BAG3: variants seen among roughly 807,000 people sequenced by gnomAD.
BAG3 encodes BAG family molecular chaperone regulator 3.
Under a neutral mutation model 40.5 loss-of-function variants are expected in BAG3, and 14 were observed. The ratio of observed to expected loss-of-function variants is 0.35; its 90% CI spans 0.23 to 0.54. BAG3 has a LOEUF of 0.54. Ranked by LOEUF, BAG3 falls within the 20% of genes least tolerant of loss-of-function variation. The probability of loss-of-function intolerance (pLI) is 0.91; values close to 1 mark genes in which losing one functional copy is unlikely to be tolerated. For synonymous variants in BAG3, 302 were observed against 307.8 expected (o/e 0.98, Z 0.20); for missense variants, 788 against 758.6 (o/e 1.04, Z -0.46).
chr10:119,676,556 T>G lies in BAG3; in HGVS notation c.1002T>G (p.Pro334=), dbSNP rs3858339. ...GCCCAGTTGGACCAGAACTCCCTCC[T>G]GGACACATCCCAATTCAAGTGATCC... The part of the protein sequence containing the change: ...KPGPVGPELP[P]GHIPIQVIRK... The change falls in exon 4 of 4, where the codon CCT becomes CCG. Residue 334 remains proline (P), a synonymous_variant. Transcript: ENST00000369085. 0.1 allele frequency: 162,782 copies of G among 1,613,926 alleles called. 9,421 individuals carry two copies. The highest frequency in any genetic ancestry group is 0.26 in the East Asian group (11,814 of 44,866).
Position 119,651,628 on chromosome 10 carries a change from G to A in BAG3, c.-48G>A. ...GGCCCGGCCAGAGACTCGGCGCCCGGAGCCAGCGCCCCGCACCCGCGCCCC... is the reference window on the plus strand; with the variant it reads ...GGCCCGGCCAGAGACTCGGCGCCCGAAGCCAGCGCCCCGCACCCGCGCCCC... On this transcript the variant is annotated 5_prime_UTR_variant, in exon 1 of 4. Transcript: ENST00000369085. 6.8e-7 allele frequency: 1 copy of A among 1,469,766 alleles called. No homozygotes were observed. 91.0% of individuals were successfully genotyped at this position (1,469,766 alleles called of 1,614,324 possible). A position where few individuals can be genotyped will look rare whatever the true frequency, so the allele number is the denominator to read the frequency against.
intron 1 of BAG3, among the ~76,000 whole-genome samples, chr10:119,666,452 T>C (rs963702266): frequency 5.9e-5 from 9 of 152,396 alleles, no homozygotes; most frequent in Admixed American, 2.6e-4. Context: ...AAGCAGTCTC[T>C]GCTGTCACAG....
chr10:119,661,184 C>T (rs377739131), intron 1 of BAG3, among the ~76,000 whole-genome samples: 1 of 152,108 alleles, frequency 6.6e-6, no homozygotes, highest in African/African-American at 2.4e-5. Flanking sequence ...TGCTTGAACT[C>T]GGGAGGCGGA....
At chr10:119,654,819 C>T (rs938280483) in intron 1 of BAG3, among the ~76,000 whole-genome samples, 12 of 152,316 alleles carry the variant, frequency 7.9e-5, no homozygotes, top group African/African-American at 2.2e-4. Flanking sequence ...GTGCTGTTCC[C>T]GCCAGGCCTC....
intron 1 of BAG3, among the ~76,000 whole-genome samples, chr10:119,659,116 C>G (rs1204252106): frequency 6.6e-6 from 1 of 152,130 alleles, no homozygotes; most frequent in Non-Finnish European, 1.5e-5. Flanking sequence ...CTTCCCGTGC[C>G]CCTTGTGAGT....
At chr10:119,662,221 TTTTTG>T (rs1449672432) in intron 1 of BAG3, among the ~76,000 whole-genome samples, 1 of 117,536 alleles carries the variant, frequency 8.5e-6, no homozygotes, top group African/African-American at 3.2e-5. Flanking sequence ...CTATGTTTTT[TTTTTG>T]TTTTTTTTTT....
At chr10:119,665,454 T>C (rs537468231) in intron 1 of BAG3, among the ~76,000 whole-genome samples, 1 of 152,154 alleles carries the variant, frequency 6.6e-6, no homozygotes, top group South Asian at 2.1e-4. Context: ...TTTTGTATTT[T>C]TTTTAGTGAA....
Position 119,659,576 on chromosome 10 carries a change from C to A in BAG3, c.180+7721C>A, listed in dbSNP as rs565993970. ...GCCACTGCAGGTGGGAGCAGAGCCC[C>A]CCCGGGACTCAGGGGTCTCACCGTC... On this transcript the variant is annotated intron_variant, in intron 1 of 3. Coordinates refer to ENST00000369085, the MANE Select transcript of BAG3 (RefSeq NM_004281.4). Among the ~76,000 whole-genome samples, 9 of 152,336 alleles carry A rather than the reference C, an allele frequency of 5.9e-5. No individual in the cohort carries two copies. The East Asian group carries it at 1.5e-3, about 26-fold the overall frequency.
Position 119,651,597 on chromosome 10 carries a change from G to C in BAG3, c.-79G>C, listed in dbSNP as rs1005706817. 7.6e-7 allele frequency: 1 copy of C among 1,314,466 alleles called. No individual in the cohort carries two copies. Among genetic ancestry groups the C allele is most frequent in the Non-Finnish European group, 9.8e-7 (1 of 1,020,978 alleles). 81.4% of individuals were successfully genotyped at this position (1,314,466 alleles called of 1,614,324 possible). On this transcript the variant is annotated 5_prime_UTR_variant, in exon 1 of 4. Transcript: ENST00000369085. ...ACGTCGGCGGCGGAGAGGGGCCCACGGCGGCGGCCCGGCCAGAGACTCGGC... is the reference window on the plus strand; with the variant it reads ...ACGTCGGCGGCGGAGAGGGGCCCACCGCGGCGGCCCGGCCAGAGACTCGGC...
chr10:119,653,247 G>A (rs1426545607), intron 1 of BAG3, among the ~76,000 whole-genome samples: 1 of 152,208 alleles, frequency 6.6e-6, no homozygotes, highest in African/African-American at 2.4e-5. Context: ...TAGCTGGGAT[G>A]GGCACAGTTA....
chr10:119,653,340 G>A (rs79502356), intron 1 of BAG3, among the ~76,000 whole-genome samples: 4 of 152,150 alleles, frequency 2.6e-5, no homozygotes, highest in African/African-American at 9.7e-5. Flanking sequence ...AGGAGTCTGC[G>A]TGGATGTACA....
rs373915611 is a variant in BAG3 at position 119,671,759 on chromosome 10, TTG to T, written c.508-482_508-481del. ...TTGATTCCAAAGCCTTCAGTCTTTGTTGTGTGTGTGTGTGTTTTGTTTTGTTT... is the reference window on the plus strand; with the variant it reads ...TTGATTCCAAAGCCTTCAGTCTTTGTTGTGTGTGTGTGTTTTGTTTTGTTT... On this transcript the variant is annotated intron_variant, in intron 2 of 3. Transcript: ENST00000369085. 4.6e-5 allele frequency among the ~76,000 whole-genome samples: 7 copies of T among 152,060 alleles called. No individual in the cohort carries two copies. The South Asian group carries it at 1.0e-3, about 23-fold the overall frequency.
chr10:119,665,691 C>T (rs1269059404), intron 1 of BAG3, among the ~76,000 whole-genome samples: 1 of 152,066 alleles, frequency 6.6e-6, no homozygotes, highest in African/African-American at 2.4e-5. Flanking sequence ...GACCTCATTA[C>T]GGGTGGGAGT....
In BAG3 at chr10:119,665,092, T is replaced by G. The variant is rs12268381; in HGVS notation, c.181-4759T>G. Among the ~76,000 whole-genome samples the G allele has an allele frequency of 1.9e-3, 170 of 88,002 alleles. 1 individual carries two copies. Among genetic ancestry groups the G allele is most frequent in the African/African-American group, 7.3e-3 (154 of 21,184 alleles). 57.7% of individuals were successfully genotyped at this position (88,002 alleles called of 152,430 possible). ...GCCACCACACACAGCTAATTTTTGT[T>G]TGTGTGTGTGTGTGTGTGTGTGTGT... On this transcript the variant is annotated intron_variant, in intron 1 of 3. Coordinates refer to ENST00000369085, the MANE Select transcript of BAG3 (RefSeq NM_004281.4).
At chr10:119,653,249 G>A (rs1258506944) in intron 1 of BAG3, among the ~76,000 whole-genome samples, 1 of 152,196 alleles carries the variant, frequency 6.6e-6, no homozygotes, top group Non-Finnish European at 1.5e-5. Flanking sequence ...GCTGGGATGG[G>A]CACAGTTACA....
rs1205844427 is a variant in BAG3 at position 119,675,411 on chromosome 10, C to T, written c.910-1053C>T. On this transcript the variant is annotated intron_variant, in intron 3 of 3. Coordinates refer to ENST00000369085, the MANE Select transcript of BAG3 (RefSeq NM_004281.4). ...GTGCAGCCAGAGGTTAGCACAGAGGCGCTGTGTCATTGCTGAATGTTAGGC... is the reference window on the plus strand; with the variant it reads ...GTGCAGCCAGAGGTTAGCACAGAGGTGCTGTGTCATTGCTGAATGTTAGGC... Among the ~76,000 whole-genome samples the T allele has an allele frequency of 2.6e-5, 4 of 152,168 alleles. 1 individual carries two copies. Among genetic ancestry groups the T allele is most frequent in the South Asian group, 2.1e-4 (1 of 4,828 alleles).
intron 1 of BAG3, among the ~76,000 whole-genome samples, chr10:119,669,430 C>T (rs1004834461): frequency 6.6e-6 from 1 of 152,124 alleles, no homozygotes; most frequent in Non-Finnish European, 1.5e-5. Context: ...ATGTGAGGGC[C>T]TTTTTGGAAA....
chr10:119,666,578 G>GAGATGCACGATGTGCTCAGCA (rs1564772394), intron 1 of BAG3, among the ~76,000 whole-genome samples: 1 of 151,638 alleles, frequency 6.6e-6, no homozygotes, highest in East Asian at 1.9e-4. Context: ...GGTGCTCAGC[G>GAGATGCACGATGTGCTCAGCA]AGATGCACGA....
chr10:119,668,807 C>T (rs1021152564), intron 1 of BAG3, among the ~76,000 whole-genome samples: 7 of 152,236 alleles, frequency 4.6e-5, no homozygotes, highest in East Asian at 3.8e-4. Context: ...CTTGTTAAAG[C>T]ACAGTCAGGA....
Sources: allele counts gnomAD v4.1 joint callset (sites outside exome capture counted in the v4.1 genomes callset), GRCh38; gene constraint gnomAD v4.1.1; transcripts MANE v1.5; gene names NCBI Gene and HGNC (gene_info 2026-07-23, HGNC 2026-07-21).